AUTS2: variants seen among roughly 807,000 people sequenced by gnomAD.
AUTS2 encodes autism susceptibility gene 2 protein.
In AUTS2, 17 loss-of-function variants were observed where a neutral mutation model predicts 112.4. The observed-to-expected ratio is 0.15, with a 90% CI of 0.10 to 0.23. The LOEUF is 0.23. AUTS2 is among the 10% of genes least tolerant of loss of function. The probability of loss-of-function intolerance (pLI) is 1.00; values close to 1 mark genes in which losing one functional copy is unlikely to be tolerated. For synonymous variants in AUTS2, 751 were observed against 702.7 expected, an observed-to-expected ratio of 1.07 and a Z score of -1.09; for missense variants, 1,510 against 1,701.6, an observed-to-expected ratio of 0.89 and a Z score of 1.98.
chr7:70,626,328 A>G (rs952491102), intron 5 of AUTS2, among the ~76,000 whole-genome samples: 92 of 144,342 alleles, frequency 6.4e-4, no homozygotes, highest in Non-Finnish European at 8.1e-4. Context: ...GTTTGCATCC[A>G]GCCTGGGCAA....
chr7:69,864,061 T>C (rs1793111641), intron 1 of AUTS2, among the ~76,000 whole-genome samples: 1 of 152,102 alleles, frequency 6.6e-6, no homozygotes, highest in Non-Finnish European at 1.5e-5. Context: ...AAATCACTGC[T>C]CCCATTAGAC....
In AUTS2 at chr7:70,306,868, T is replaced by C. The variant is rs550124337; in HGVS notation, c.661-128884T>C. On this transcript the variant is annotated intron_variant, in intron 4 of 18. Transcript: ENST00000342771. ...GCTGCATAATTCCAAGACTGCTGGT[T>C]CTTAAATTTATCTCCATCAAAACAC... Among the ~76,000 whole-genome samples, 4 of 152,332 alleles carry C rather than the reference T, an allele frequency of 2.6e-5. No homozygotes were observed. The East Asian group carries it at 7.7e-4, about 29-fold the overall frequency.
intron 5 of AUTS2, among the ~76,000 whole-genome samples, chr7:70,605,546 C>CTTTTTTTTTTTTTTTTTTTT: frequency 1.3e-3 from 91 of 70,676 alleles, no homozygotes; most frequent in South Asian, 2.0e-3. Context: ...CCTTCTTTCT[C>CTTTTTTTTTTTTTTTTTTTT]TTTTTTTTTT....
chr7:70,070,052 C>T (rs1054797663), intron 2 of AUTS2, among the ~76,000 whole-genome samples: 1 of 151,988 alleles, frequency 6.6e-6, no homozygotes, highest in Non-Finnish European at 1.5e-5. Context: ...AATACCAAAC[C>T]TTTGTTTCTA....
chr7:70,076,442 C>A (rs1386625141), intron 2 of AUTS2, among the ~76,000 whole-genome samples: 1 of 152,156 alleles, frequency 6.6e-6, no homozygotes, highest in African/African-American at 2.4e-5. Context: ...GGATGTAAAT[C>A]ATTTAATTTA....
intron 1 of AUTS2, among the ~76,000 whole-genome samples, chr7:69,813,054 C>T (rs1790611501): frequency 6.6e-6 from 1 of 152,170 alleles, no homozygotes; most frequent in African/African-American, 2.4e-5. Context: ...CCTTACTTAC[C>T]ATGGCCTACA....
intron 4 of AUTS2, chr7:70,293,663 C>T (rs748991559): frequency 3.3e-5 from 5 of 152,160 alleles, no homozygotes; most frequent in Non-Finnish European, 5.9e-5. Flanking sequence ...GGCATATTCC[C>T]TGTCATTGTT....
chr7:70,469,793 A>G (rs1241659986), intron 5 of AUTS2, among the ~76,000 whole-genome samples: 1 of 152,166 alleles, frequency 6.6e-6, no homozygotes, highest in Non-Finnish European at 1.5e-5. Flanking sequence ...GGCACCCGCC[A>G]CCACGCCCGG....
At chr7:70,393,441 G>C (rs1382069985) in intron 4 of AUTS2, among the ~76,000 whole-genome samples, 30 of 152,080 alleles carry the variant, frequency 2.0e-4, no homozygotes, top group Admixed American at 3.9e-4. Context: ...CCTGGACACA[G>C]TATTTCACTG....
chr7:69,655,305 A>G (rs576892907), intron 1 of AUTS2, among the ~76,000 whole-genome samples: 60 of 152,346 alleles, frequency 3.9e-4, no homozygotes, highest in African/African-American at 1.4e-3. Context: ...TTGTGGATAT[A>G]AAAAGCTCTA....
At chr7:69,910,132 A>T (rs958613581) in intron 2 of AUTS2, among the ~76,000 whole-genome samples, 1 of 152,214 alleles carries the variant, frequency 6.6e-6, no homozygotes, top group African/African-American at 2.4e-5. Context: ...TTCTCAGATA[A>T]ACATGGCAGT....
chr7:69,618,330 T>G (rs1256523568), intron 1 of AUTS2, among the ~76,000 whole-genome samples: 1 of 152,188 alleles, frequency 6.6e-6, no homozygotes, highest in Non-Finnish European at 1.5e-5. Context: ...GGTGTTAGTT[T>G]GTGTAGAGGA....
rs193082532 is a variant in AUTS2, at chr7:70,766,405, G to A, written c.1689+71G>A. 74 of 1,565,818 alleles carry A rather than the reference G, an allele frequency of 4.7e-5. No homozygotes were observed. The highest frequency in any genetic ancestry group is 4.1e-4 in the South Asian group (35 of 85,498). ...TTTTCTTTATGCAGCACGTGGGACC[G>A]GGCTGGGCAGCGGGGCCACCAGAGA... On this transcript the variant is annotated intron_variant, in intron 9 of 18. Coordinates refer to ENST00000342771, the MANE Select transcript of AUTS2 (RefSeq NM_015570.4). This position sits in a 1 kb window ranked among gnomAD's most constrained non-coding sequence, Gnocchi z 4.8.
intron 1 of AUTS2, among the ~76,000 whole-genome samples, chr7:69,617,008 T>C (rs1793417162): frequency 6.6e-6 from 1 of 152,134 alleles, no homozygotes; most frequent in African/African-American, 2.4e-5. Context: ...AAAATAGATA[T>C]CTATTTTAAT....
intron 4 of AUTS2, among the ~76,000 whole-genome samples, chr7:70,157,050 C>G (rs1807815652): frequency 6.6e-6 from 1 of 151,570 alleles, no homozygotes; most frequent in African/African-American, 2.4e-5. Flanking sequence ...TCACTCCAGC[C>G]CGGGTGACAC....
intron 5 of AUTS2, among the ~76,000 whole-genome samples, chr7:70,646,357 C>T (rs1457484510): frequency 2.6e-5 from 4 of 152,206 alleles, no homozygotes; most frequent in Non-Finnish European, 5.9e-5. Flanking sequence ...TCTCTGCCTC[C>T]GTCATGTCAG....
chr7:69,875,679 GA>G lies in AUTS2; in HGVS notation c.310-23605del, dbSNP rs569706281. The stretch of plus-strand genomic sequence containing the variant: ...TAGATTTATTTTAGTATCATTTTAG[GA>G]AGCACAAAAGTGGTGTCCCAATTGA... On this transcript the variant is annotated intron_variant, in intron 1 of 18. Transcript: ENST00000342771. Among the ~76,000 whole-genome samples the G allele has an allele frequency of 6.6e-5, 10 of 152,250 alleles. No homozygotes were observed. The East Asian group carries it at 1.9e-3, about 29-fold the overall frequency.
chr7:70,003,622 G>T lies in AUTS2; in HGVS notation c.522+104124G>T, dbSNP rs1799352741. Among the ~76,000 whole-genome samples the T allele has an allele frequency of 2.6e-5, 3 of 114,124 alleles. 1 individual carries two copies. The highest frequency in any genetic ancestry group is 4.9e-5 in the Non-Finnish European group (3 of 61,158). 74.9% of individuals were successfully genotyped at this position (114,124 alleles called of 152,430 possible). ...TGTTATATATGAATGTGTTATATAT[G>T]AGTATCTATAATATATATGAATGTG... On this transcript the variant is annotated intron_variant, in intron 2 of 18. Coordinates refer to ENST00000342771, the MANE Select transcript of AUTS2 (RefSeq NM_015570.4).
intron 5 of AUTS2, among the ~76,000 whole-genome samples, chr7:70,668,872 G>T (rs565152983): frequency 5.3e-5 from 8 of 152,290 alleles, no homozygotes; most frequent in African/African-American, 1.7e-4. Context: ...GGGCAGTAAG[G>T]CACGCTTCCC....
Sources: gnomAD v4.1 joint callset for allele counts (sites outside exome capture counted in the v4.1 genomes callset) on GRCh38, gnomAD v4.1.1 for gene constraint, Gnocchi (gnomAD v3.1) non-coding constraint, MANE v1.5 for transcripts, NCBI Gene and HGNC (gene_info 2026-07-23, HGNC 2026-07-21) for gene names.